FBXL7: variants seen among roughly 807,000 people sequenced by gnomAD.
FBXL7 encodes F-box/LRR-repeat protein 7.
A neutral mutation model predicts 38.3 loss-of-function variants in FBXL7; 12 were observed. The observed-to-expected ratio is 0.31, with a 90% CI of 0.20 to 0.51. The LOEUF is 0.51. Among genes scored for constraint, FBXL7 ranks in the 20% least tolerant of loss-of-function variants. The probability of loss-of-function intolerance (pLI) is 0.98; values close to 1 mark genes in which losing one functional copy is unlikely to be tolerated. For missense variants in FBXL7, 567 were observed against 676.4 expected, an observed-to-expected ratio of 0.84 and a Z score of 1.79; for synonymous variants, 297 against 300.9, an observed-to-expected ratio of 0.99 and a Z score of 0.13.
At chr5:15,815,826 C>T (rs560530564) in intron 2 of FBXL7, among the ~76,000 whole-genome samples, 53 of 152,022 alleles carry the variant, frequency 3.5e-4, no homozygotes, top group Non-Finnish European at 6.0e-4. Context: ...TAACCAATGG[C>T]TATATTTGAG....
intron 1 of FBXL7, among the ~76,000 whole-genome samples, chr5:15,583,421 A>G (rs982547244): frequency 2.6e-5 from 4 of 152,232 alleles, no homozygotes; most frequent in Admixed American, 6.5e-5. Flanking sequence ...ATCTGAGAGA[A>G]GGAAAGTGCC....
chr5:15,838,029 G>A (rs2126780484), intron 2 of FBXL7, among the ~76,000 whole-genome samples: 1 of 152,178 alleles, frequency 6.6e-6, no homozygotes, highest in East Asian at 1.9e-4. Context: ...GGGTTGTTAG[G>A]CCATGGAGCA....
At chr5:15,852,933 A>G (rs555679138) in intron 2 of FBXL7, among the ~76,000 whole-genome samples, 2 of 152,330 alleles carry the variant, frequency 1.3e-5, no homozygotes, top group South Asian at 2.1e-4. Context: ...CCTGACATCA[A>G]GGGTGAAGCA....
chr5:15,915,114 T>C (rs1353613647), intron 2 of FBXL7, among the ~76,000 whole-genome samples: 1 of 152,180 alleles, frequency 6.6e-6, no homozygotes, highest in Non-Finnish European at 1.5e-5. Context: ...CTCTGCAATG[T>C]AAATTTTGGG....
intron 2 of FBXL7, among the ~76,000 whole-genome samples, chr5:15,699,612 C>T (rs1282335560): frequency 6.6e-6 from 1 of 152,176 alleles, no homozygotes; most frequent in Non-Finnish European, 1.5e-5. Context: ...ACCCATAATG[C>T]AGAAAGAAGG....
At chr5:15,846,707 C>T (rs146166482) in intron 2 of FBXL7, among the ~76,000 whole-genome samples, 18 of 152,020 alleles carry the variant, frequency 1.2e-4, no homozygotes, top group Non-Finnish European at 2.5e-4. Context: ...AGACACAGCT[C>T]AAGTTACATT....
intron 1 of FBXL7, among the ~76,000 whole-genome samples, chr5:15,525,314 T>C (rs1737220617): frequency 6.6e-6 from 1 of 152,228 alleles, no homozygotes. Context: ...GCATCTGTCT[T>C]AAAATCTTTT....
chr5:15,742,143 T>C (rs1735908495), intron 2 of FBXL7, among the ~76,000 whole-genome samples: 1 of 152,246 alleles, frequency 6.6e-6, no homozygotes, highest in Non-Finnish European at 1.5e-5. Context: ...GGGAGATTTA[T>C]ATATAAATAC....
intron 2 of FBXL7, among the ~76,000 whole-genome samples, chr5:15,791,013 G>A (rs1737260123): frequency 6.6e-6 from 1 of 150,416 alleles, no homozygotes; most frequent in South Asian, 2.1e-4. Context: ...CAGAGTATGG[G>A]CTGTGTAGCC....
At chr5:15,913,015 G>A (rs1050128346) in intron 2 of FBXL7, among the ~76,000 whole-genome samples, 19 of 152,246 alleles carry the variant, frequency 1.2e-4, no homozygotes, top group Middle Eastern at 3.4e-3. Context: ...GTCTCTTTAC[G>A]TGTTCTTTCT....
At chr5:15,629,350 T>C (rs1740926235) in intron 2 of FBXL7, among the ~76,000 whole-genome samples, 1 of 152,206 alleles carries the variant, frequency 6.6e-6, no homozygotes. Flanking sequence ...GGCTCACTTT[T>C]ATCAAAGTTA....
At chr5:15,799,066 T>C (rs1369911417) in intron 2 of FBXL7, among the ~76,000 whole-genome samples, 2 of 152,218 alleles carry the variant, frequency 1.3e-5, no homozygotes, top group African/African-American at 4.8e-5. Flanking sequence ...GGGTGGCAGG[T>C]GCTCAGCACT....
chr5:15,501,354 A>G (rs1031104674), intron 1 of FBXL7: 1 of 916,516 alleles, frequency 1.1e-6, no homozygotes, highest in African/African-American at 1.8e-5. Flanking sequence ...AGTTAGGGAA[A>G]CTTTAAACTC....
At chr5:15,603,322 ATTAT>A (rs764667802) in intron 1 of FBXL7, among the ~76,000 whole-genome samples, 19 of 152,308 alleles carry the variant, frequency 1.2e-4, no homozygotes, top group South Asian at 2.1e-4. Flanking sequence ...TAGCTAATTG[ATTAT>A]TTATGTGTGT....
chr5:15,550,036 G>C (rs896537037), intron 1 of FBXL7, among the ~76,000 whole-genome samples: 6 of 152,146 alleles, frequency 3.9e-5, no homozygotes, highest in African/African-American at 1.4e-4. Context: ...TGTACAAAAA[G>C]GCTTTAGATA....
At chr5:15,778,981 TC>T (rs1399681617) in intron 2 of FBXL7, among the ~76,000 whole-genome samples, 1 of 152,194 alleles carries the variant, frequency 6.6e-6, no homozygotes, top group Non-Finnish European at 1.5e-5. Flanking sequence ...TTATCTTTAG[TC>T]AACTTTGTTG....
intron 2 of FBXL7, among the ~76,000 whole-genome samples, chr5:15,838,254 T>C (rs1029952387): frequency 4.6e-5 from 7 of 152,138 alleles, no homozygotes; most frequent in African/African-American, 1.7e-4. Flanking sequence ...GAAATTTACA[T>C]TGTACAGTTC....
intron 1 of FBXL7, among the ~76,000 whole-genome samples, chr5:15,562,109 T>C (rs533220906): frequency 7.2e-5 from 11 of 152,192 alleles, no homozygotes; most frequent in African/African-American, 2.6e-4. Context: ...TCTTACACCA[T>C]ACGTCAGTTC....
intron 2 of FBXL7, among the ~76,000 whole-genome samples, chr5:15,750,433 C>G: frequency 6.6e-6 from 1 of 152,156 alleles, no homozygotes; most frequent in East Asian, 1.9e-4. Context: ...TCACACTATC[C>G]TCTGACCTTG....
Sources: gnomAD v4.1 joint callset for allele counts (sites outside exome capture counted in the v4.1 genomes callset) on GRCh38, gnomAD v4.1.1 for gene constraint, MANE v1.5 for transcripts, NCBI Gene and HGNC (gene_info 2026-07-23, HGNC 2026-07-21) for gene names.